UTRN: variants seen among roughly 807,000 people sequenced by gnomAD.
UTRN encodes the protein dystrophin-related protein 1.
A neutral mutation model predicts 463.9 loss-of-function variants in UTRN; 283 were observed. The observed-to-expected ratio is 0.61, with a 90% CI of 0.55 to 0.67. The LOEUF (loss-of-function observed/expected upper bound fraction) is 0.67, where lower values mean the gene tolerates loss of function less well. Among genes scored for constraint, UTRN ranks in the 30% least tolerant of loss-of-function variants. The probability of loss-of-function intolerance (pLI) is 0.00; values close to 1 mark genes in which losing one functional copy is unlikely to be tolerated. For synonymous variants in UTRN, 1,442 were observed against 1,431.5 expected (o/e 1.01, Z -0.17); for missense variants, 3,922 against 4,084.3 (o/e 0.96, Z 1.08).
At chr6:144,534,959 T>C (rs1797399067) in intron 43 of UTRN, among the ~76,000 whole-genome samples, 1 of 152,084 alleles carries the variant, frequency 6.6e-6, no homozygotes, top group African/African-American at 2.4e-5. Context: ...CTGCAAAGGA[T>C]TGAAAGGAGA....
At chr6:144,700,715 C>T (rs1315289677) in intron 53 of UTRN, among the ~76,000 whole-genome samples, 4 of 148,850 alleles carry the variant, frequency 2.7e-5, no homozygotes, top group East Asian at 4.0e-4. Context: ...CTACAGGTGC[C>T]TGCCATCACA....
At chr6:144,621,512 C>T (rs1334275423) in intron 51 of UTRN, among the ~76,000 whole-genome samples, 1 of 152,112 alleles carries the variant, frequency 6.6e-6, no homozygotes, top group African/African-American at 2.4e-5. Context: ...ATCTTGGGCT[C>T]CCATAGCACT....
At position 144,827,636 on chromosome 6, in the gene UTRN, C is replaced by A; in HGVS notation, c.9559C>A (p.His3187Asn). 6.2e-7 allele frequency: 1 copy of A among 1,613,656 alleles called. No individual in the cohort carries two copies. The highest frequency in any genetic ancestry group is 1.3e-5 in the African/African-American group (1 of 75,008). ...YDPSQSPQLF[H>N]DDTHSRIEQY... Reference sequence around the variant, plus strand: ...CCCCTCACAATCTCCTCAACTGTTTCATGATGACACCCATTCAAGAATAGA... The same window carrying A: ...CCCCTCACAATCTCCTCAACTGTTTAATGATGACACCCATTCAAGAATAGA... The change falls in exon 68 of 75, where the codon CAT (histidine) becomes AAT (asparagine). Residue 3187 changes from histidine (H) to asparagine (N), a missense_variant. Physicochemically the swap from His to Asn is moderately conservative, Grantham distance 68 (BLOSUM62 1). This residue lies in a region of UTRN where 1,309 missense variants were observed against 1,452.6 expected (regional missense o/e 0.90). Coordinates refer to ENST00000367545, the MANE Select transcript of UTRN (RefSeq NM_007124.3).
intron 2 of UTRN, among the ~76,000 whole-genome samples, chr6:144,339,377 A>C (rs1161845036): frequency 2.6e-5 from 4 of 152,136 alleles, no homozygotes; most frequent in African/African-American, 7.2e-5. Context: ...GTGATCTTGG[A>C]TTGAATTGTA....
rs1325352253 is a variant in UTRN at position 144,537,686 on chromosome 6, C to T, written c.6338C>T (p.Thr2113Ile). Residue 2113 changes from threonine (T) to isoleucine (I), a missense_variant, in exon 44 of 75, where the codon ACC becomes ATC. Physicochemically the swap from Thr to Ile is moderately conservative, Grantham distance 89 (BLOSUM62 -1). Coordinates refer to ENST00000367545, the MANE Select transcript of UTRN (RefSeq NM_007124.3). ...CATGCTATGCAAAAGAGATCAACCACCGAATTGGGAGAAAACCTGCAAGAA... is the reference window on the plus strand; with the variant it reads ...CATGCTATGCAAAAGAGATCAACCATCGAATTGGGAGAAAACCTGCAAGAA... Reference protein sequence around the residue: ...AEHAMQKRSTTELGENLQELR... With the variant: ...AEHAMQKRSTIELGENLQELR... The T allele has an allele frequency of 1.9e-6, 3 of 1,610,446 alleles. No individual in the cohort carries two copies. The highest frequency in any genetic ancestry group is 2.7e-5 in the African/African-American group (2 of 74,720).
intron 17 of UTRN, 23 bp from the exon 18 acceptor site, chr6:144,451,347 G>T (rs768049869): frequency 6.3e-7 from 1 of 1,596,126 alleles, no homozygotes; most frequent in East Asian, 2.2e-5. Context: ...ATGACAAATG[G>T]TCACCTCTGA....
At chr6:144,470,776 G>A (rs917497844) in intron 23 of UTRN, among the ~76,000 whole-genome samples, 2 of 151,992 alleles carry the variant, frequency 1.3e-5, no homozygotes, top group African/African-American at 2.4e-5. Context: ...TGCAATCCCG[G>A]TACCTCGGGA....
intron 9 of UTRN, among the ~76,000 whole-genome samples, chr6:144,433,311 G>A (rs1786098248): frequency 6.7e-6 from 1 of 150,306 alleles, no homozygotes; most frequent in African/African-American, 2.5e-5. Flanking sequence ...GGCCGGGTGG[G>A]GGGCTGAACC....
intron 13 of UTRN, 107 bp downstream of exon 13, chr6:144,440,578 T>C: frequency 7.0e-7 from 1 of 1,435,048 alleles, no homozygotes; most frequent in Non-Finnish European, 9.6e-7. Flanking sequence ...TCCAGAAGGG[T>C]AGAAAAACCT....
In UTRN at chr6:144,543,694, A is replaced by G. The variant is rs72999748; in HGVS notation, c.6595+824A>G. ...CTCGTCCTCCACCTCTACCTCTTCT[A>G]CCTCTTTTTTTTGGGAGGGTTCTTT... On this transcript the variant is annotated intron_variant, in intron 46 of 74. Transcript: ENST00000367545. 6.2e-3 allele frequency among the ~76,000 whole-genome samples: 911 copies of G among 147,964 alleles called. 5 individuals carry two copies. The highest frequency in any genetic ancestry group is 0.012 in the Admixed American group (185 of 14,976).
chr6:144,497,403 C>T (rs772725378), intron 33 of UTRN, among the ~76,000 whole-genome samples: 7 of 151,164 alleles, frequency 4.6e-5, no homozygotes, highest in Middle Eastern at 3.4e-3. Flanking sequence ...GGACCGGGTG[C>T]GGTCGCTTAT....
intron 34 of UTRN, among the ~76,000 whole-genome samples, chr6:144,503,320 T>C (rs903945972): frequency 1.3e-5 from 2 of 152,222 alleles, no homozygotes; most frequent in African/African-American, 4.8e-5. Context: ...ATGAAGTCTT[T>C]GCCCATGCCA....
chr6:144,666,537 T>C (rs1183028021), intron 51 of UTRN, among the ~76,000 whole-genome samples: 1 of 152,224 alleles, frequency 6.6e-6, no homozygotes, highest in Non-Finnish European at 1.5e-5. Flanking sequence ...GATCCTTCTA[T>C]GTAACAGAGA....
At chr6:144,801,461 G>C (rs1017100137) in intron 64 of UTRN, among the ~76,000 whole-genome samples, 3 of 151,850 alleles carry the variant, frequency 2.0e-5, no homozygotes, top group Non-Finnish European at 4.4e-5. Context: ...AAAGATAGAG[G>C]AATATGTCTA....
At chr6:144,308,790 G>A (rs563854799) in intron 2 of UTRN, among the ~76,000 whole-genome samples, 5 of 152,180 alleles carry the variant, frequency 3.3e-5, no homozygotes, top group Admixed American at 6.5e-5. Context: ...TAGTGGATCC[G>A]CTTACAAACA....
intron 51 of UTRN, among the ~76,000 whole-genome samples, chr6:144,666,160 G>A (rs774709833): frequency 6.6e-6 from 1 of 152,132 alleles, no homozygotes; most frequent in African/African-American, 2.4e-5. Context: ...AGCATTTGAC[G>A]CCACATCAGG....
intron 11 of UTRN, among the ~76,000 whole-genome samples, 198 bp downstream of exon 11, chr6:144,437,944 G>C (rs1055015960): frequency 1.3e-5 from 2 of 152,198 alleles, no homozygotes; most frequent in African/African-American, 4.8e-5. Flanking sequence ...CACACCAAAA[G>C]ATAAAAGTTG....
chr6:144,664,631 C>T (rs76952774), intron 51 of UTRN, among the ~76,000 whole-genome samples: 3,348 of 151,854 alleles, frequency 0.022, 125 homozygotes, highest in African/African-American at 0.075. Context: ...TTCAGAAATG[C>T]TGCTGTAGAC....
At chr6:144,300,985 CA>C (rs1805191872) in intron 2 of UTRN, among the ~76,000 whole-genome samples, 1 of 151,948 alleles carries the variant, frequency 6.6e-6, no homozygotes, top group Non-Finnish European at 1.5e-5. Context: ...AATATTGTCT[CA>C]GGGGTGGGAG....
Sources: allele counts gnomAD v4.1 joint callset (sites outside exome capture counted in the v4.1 genomes callset), GRCh38; gene constraint gnomAD v4.1.1; regional missense constraint gnomAD v4.1.1; transcripts MANE v1.5; gene names NCBI Gene and HGNC (gene_info 2026-07-23, HGNC 2026-07-21).